Variants in PRKG1 observed in about 807,000 individuals in gnomAD.
PRKG1 encodes the protein protein kinase cGMP-dependent 1.
In PRKG1, 35 loss-of-function variants were observed where a neutral mutation model predicts 88.1. The ratio of observed to expected loss-of-function variants is 0.40; its 90% CI spans 0.30 to 0.53. The LOEUF is 0.53. Among genes scored for constraint, PRKG1 ranks in the 20% least tolerant of loss-of-function variants. The pLI is 0.59. For synonymous variants in PRKG1, 303 were observed against 292.5 expected (o/e 1.04, Z -0.37); for missense variants, 540 against 839.8 (o/e 0.64, Z 4.41).
intron 3 of PRKG1, among the ~76,000 whole-genome samples, chr10:51,742,364 G>A (rs1008447839): frequency 2.0e-5 from 3 of 152,156 alleles, no homozygotes; most frequent in Non-Finnish European, 4.4e-5. Flanking sequence ...GATATAATAA[G>A]GAGAATCTTG....
intron 5 of PRKG1, among the ~76,000 whole-genome samples, chr10:52,008,160 C>G (rs1844787391): frequency 6.6e-6 from 1 of 151,950 alleles, no homozygotes. Flanking sequence ...TACTAAACAC[C>G]CATATCAAAA....
At chr10:52,263,069 A>G (rs1243654755) in intron 10 of PRKG1, among the ~76,000 whole-genome samples, 1 of 152,102 alleles carries the variant, frequency 6.6e-6, no homozygotes, top group East Asian at 1.9e-4. Context: ...CTTTGTGTTA[A>G]TTATGTACAT....
intron 2 of PRKG1, among the ~76,000 whole-genome samples, chr10:51,164,662 C>T (rs375638511): frequency 5.3e-5 from 8 of 152,016 alleles, no homozygotes; most frequent in East Asian, 1.9e-4. Flanking sequence ...AAAATTTAGA[C>T]GAATGTATAA....
At chr10:51,815,866 A>C (rs1364268952) in intron 4 of PRKG1, among the ~76,000 whole-genome samples, 3 of 152,156 alleles carry the variant, frequency 2.0e-5, no homozygotes, top group African/African-American at 4.8e-5. Flanking sequence ...AGCCCCTGGA[A>C]AGGGAAGCCC....
chr10:51,702,798 G>A (rs1841501843), intron 3 of PRKG1, among the ~76,000 whole-genome samples: 1 of 152,072 alleles, frequency 6.6e-6, no homozygotes, highest in African/African-American at 2.4e-5. Context: ...CTGAGCTCAA[G>A]CAATTCTCCT....
At chr10:51,490,826 G>T (rs768661362) in intron 3 of PRKG1, among the ~76,000 whole-genome samples, 1 of 152,092 alleles carries the variant, frequency 6.6e-6, no homozygotes, top group Non-Finnish European at 1.5e-5. Context: ...AAGCATAAAA[G>T]TGTCCATATT....
At chr10:52,068,861 G>A (rs11000680) in intron 7 of PRKG1, among the ~76,000 whole-genome samples, 5 of 152,144 alleles carry the variant, frequency 3.3e-5, no homozygotes, top group East Asian at 1.9e-4. Context: ...TTTAAGTTTC[G>A]TTAGGTCATA....
intron 3 of PRKG1, among the ~76,000 whole-genome samples, chr10:51,628,662 T>C (rs1839437234): frequency 6.6e-6 from 1 of 152,174 alleles, no homozygotes. Flanking sequence ...TTTCAAGTTT[T>C]TCAAAACTGC....
rs146870418 is a variant in PRKG1, at chr10:51,279,218, T to C, written c.478+125888T>C. 7.4e-3 allele frequency among the ~76,000 whole-genome samples: 1,122 copies of C among 152,330 alleles called. 10 individuals carry two copies. Among genetic ancestry groups the C allele is most frequent in the African/African-American group, 0.025 (1,055 of 41,560 alleles). ...TGCCTTCATTTTGTTATGTACCCAA[T>C]AGTCATTCAGAAGCAGGTTGTTCAG... On this transcript the variant is annotated intron_variant, in intron 2 of 17. Transcript: ENST00000373980.
intron 4 of PRKG1, among the ~76,000 whole-genome samples, chr10:51,837,322 A>T (rs896622467): frequency 1.3e-5 from 2 of 152,176 alleles, no homozygotes; most frequent in Non-Finnish European, 2.9e-5. Context: ...TATGGCACTT[A>T]AAAAAATTAA....
intron 9 of PRKG1, among the ~76,000 whole-genome samples, chr10:52,233,364 G>A (rs529453727): frequency 2.0e-5 from 3 of 152,030 alleles, no homozygotes; most frequent in South Asian, 2.1e-4. Flanking sequence ...CGTGAGCGAC[G>A]CAGAAGACGG....
chr10:51,586,707 C>G (rs1454980569), intron 3 of PRKG1, among the ~76,000 whole-genome samples: 2 of 152,066 alleles, frequency 1.3e-5, no homozygotes, highest in Non-Finnish European at 2.9e-5. Flanking sequence ...TTACTGATGA[C>G]AGAGAGTATC....
intron 2 of PRKG1, among the ~76,000 whole-genome samples, chr10:51,426,560 A>G (rs1159363487): frequency 2.0e-5 from 3 of 152,224 alleles, no homozygotes. Flanking sequence ...ATGGATAGGT[A>G]CTAAATAGTA....
chr10:51,582,116 A>C (rs1015620747), intron 3 of PRKG1, among the ~76,000 whole-genome samples: 3 of 152,202 alleles, frequency 2.0e-5, no homozygotes, highest in Non-Finnish European at 2.9e-5. Flanking sequence ...GCTGAAAACA[A>C]ATTTAACTGC....
intron 7 of PRKG1, among the ~76,000 whole-genome samples, chr10:52,077,815 A>G (rs1564458996): frequency 6.6e-6 from 1 of 152,186 alleles, no homozygotes; most frequent in African/African-American, 2.4e-5. Context: ...ATGGAATTAG[A>G]TGCCCATGAG....
At chr10:52,094,048 T>C (rs900020599) in intron 7 of PRKG1, among the ~76,000 whole-genome samples, 1 of 152,294 alleles carries the variant, frequency 6.6e-6, no homozygotes. Flanking sequence ...TTGAGATGTA[T>C]ATTAAAGATT....
chr10:51,725,628 C>T (rs370004558), intron 3 of PRKG1, among the ~76,000 whole-genome samples: 1 of 145,138 alleles, frequency 6.9e-6, no homozygotes, highest in Non-Finnish European at 1.5e-5. Flanking sequence ...TTTTTCTTTT[C>T]TTTTTTTTTT....
At position 51,817,354 on chromosome 10, in the gene PRKG1, C is replaced by CG. The variant is rs796742494; in HGVS notation, c.698+12664_698+12665insG. ...TAGTGCTATCCCTCCCCAACCCCCC[C>CG]CCTCCCCTGACAGGCCCTGGTGTGT... On this transcript the variant is annotated intron_variant, in intron 4 of 17. Transcript: ENST00000373980. Among the ~76,000 whole-genome samples the CG allele has an allele frequency of 9.0e-4, 134 of 149,058 alleles. 2 individuals carry two copies. In the South Asian group the frequency reaches 0.02, roughly 22 times the overall value.
intron 5 of PRKG1, among the ~76,000 whole-genome samples, chr10:51,939,403 C>G (rs145623397): frequency 1.5e-3 from 229 of 151,710 alleles, no homozygotes; most frequent in African/African-American, 3.7e-3. Flanking sequence ...TTTTTTAAAT[C>G]CACAAAAAAT....
Sources: gnomAD v4.1 joint callset for allele counts (sites outside exome capture counted in the v4.1 genomes callset) on GRCh38, gnomAD v4.1.1 for gene constraint, MANE v1.5 for transcripts, NCBI Gene and HGNC (gene_info 2026-07-23, HGNC 2026-07-21) for gene names.